Variants in MKRN1 observed in about 807,000 individuals in gnomAD.
MKRN1 encodes E3 ubiquitin-protein ligase makorin-1.
In MKRN1, 9 loss-of-function variants were observed where a neutral mutation model predicts 55.5. The observed-to-expected ratio is 0.16, with a 90% CI of 0.10 to 0.28. The LOEUF (loss-of-function observed/expected upper bound fraction) is 0.28. Among genes scored for constraint, MKRN1 ranks in the 10% least tolerant of loss-of-function variants. The pLI is 1.00. For synonymous variants in MKRN1, 253 were observed against 235.9 expected, an observed-to-expected ratio of 1.07 and a Z score of -0.66; for missense variants, 488 against 626.7, an observed-to-expected ratio of 0.78 and a Z score of 2.36.
chr7:140,462,988 G>A (rs1476528168), intron 2 of MKRN1, among the ~76,000 whole-genome samples: 5 of 151,308 alleles, frequency 3.3e-5, no homozygotes, highest in Non-Finnish European at 7.4e-5. Context: ...GACTATGCGC[G>A]GTGGCTCATG....
At chr7:140,468,988 A>G (rs1396326580) in intron 2 of MKRN1, among the ~76,000 whole-genome samples, 3 of 152,096 alleles carry the variant, frequency 2.0e-5, no homozygotes, top group East Asian at 3.9e-4. Context: ...TCTGAACTCT[A>G]TTTGAACCCA....
rs1794378784 is a variant in MKRN1 at position 140,453,208 on chromosome 7, C to T, written c.*1309G>A. On this transcript the variant is annotated 3_prime_UTR_variant, in exon 8 of 8. Transcript: ENST00000255977. ...GTAGATGGACAAACCAGGAGCATCC[C>T]CGAGTTATTTTCAGGAAACAGAGCA... The T allele has an allele frequency of 6.6e-6, 1 of 152,498 alleles. No individual in the cohort carries two copies. 9.4% of individuals were successfully genotyped at this position (152,498 alleles called of 1,614,324 possible). A position where few individuals can be genotyped will look rare whatever the true frequency, so the allele number is the denominator to read the frequency against.
intron 1 of MKRN1, among the ~76,000 whole-genome samples, chr7:140,475,915 TAATAA>T (rs1795103668): frequency 6.6e-6 from 1 of 152,048 alleles, no homozygotes; most frequent in Non-Finnish European, 1.5e-5. Flanking sequence ...AGTATTGCTC[TAATAA>T]AAGATATGAA....
intron 4 of MKRN1, 167 bp from the exon 5 acceptor site, chr7:140,457,033 GTT>G (rs61226924): frequency 0.18 from 108,411 of 602,508 alleles, 16,027 homozygotes; most frequent in African/African-American, 0.64. Context: ...CAGGTGTGGT[GTT>G]TTTTTTTTGT....
rs773137189 is a variant in MKRN1 at position 140,454,663 on chromosome 7, C to T, written c.1303G>A (p.Asp435Asn). The change falls in exon 8 of 8, where the codon GAT becomes AAT. Residue 435 changes from aspartate (D) to asparagine (N), a missense_variant. Around this residue, in one of 2 missense-constraint regions of MKRN1, gnomAD observed 278 missense variants for 406.7 expected, o/e 0.68. Transcript: ENST00000255977. ...TCAAAGGTGACAACCTCTTCTTCATCGTTGTCAAAGGGGTTGCTGTTCTCT... is the reference window on the plus strand; with the variant it reads ...TCAAAGGTGACAACCTCTTCTTCATTGTTGTCAAAGGGGTTGCTGTTCTCT... Reference protein sequence around the residue: ...ERENSNPFDNDEEEVVTFELG... With the variant: ...ERENSNPFDNNEEEVVTFELG... 7 of 1,613,968 alleles carry T rather than the reference C, an allele frequency of 4.3e-6. No individual in the cohort carries two copies. The highest frequency in any genetic ancestry group is 2.2e-5 in the South Asian group (2 of 91,074).
chr7:140,466,753 G>A (rs1240343687), intron 2 of MKRN1, among the ~76,000 whole-genome samples: 4 of 148,136 alleles, frequency 2.7e-5, no homozygotes, highest in Non-Finnish European at 4.4e-5. Context: ...GCAGTAAGCC[G>A]AGATTGCGCC....
intron 1 of MKRN1, among the ~76,000 whole-genome samples, chr7:140,475,008 C>A (rs1343440315): frequency 1.3e-5 from 2 of 151,918 alleles, no homozygotes; most frequent in Non-Finnish European, 2.9e-5. Context: ...GGTGAGACAC[C>A]ACGCCCAGCT....
At chr7:140,470,527 G>T (rs1429871167) in intron 2 of MKRN1, among the ~76,000 whole-genome samples, 2 of 152,064 alleles carry the variant, frequency 1.3e-5, no homozygotes, top group Non-Finnish European at 2.9e-5. Context: ...GGAGGTTGCA[G>T]TGAGCCGAAA....
At chr7:140,463,894 A>C (rs995445400) in intron 2 of MKRN1, among the ~76,000 whole-genome samples, 1 of 151,986 alleles carries the variant, frequency 6.6e-6, no homozygotes, top group Non-Finnish European at 1.5e-5. Context: ...ATCTCAAAAA[A>C]AAAATAAAAA....
intron 1 of MKRN1, among the ~76,000 whole-genome samples, chr7:140,476,230 T>A (rs2130370602): frequency 6.6e-6 from 1 of 152,300 alleles, no homozygotes; most frequent in Non-Finnish European, 1.5e-5. Context: ...TATAATACAG[T>A]ACATACATCT....
intron 4 of MKRN1, among the ~76,000 whole-genome samples, chr7:140,457,143 A>G (rs1794488635): frequency 6.6e-6 from 1 of 152,116 alleles, no homozygotes; most frequent in Non-Finnish European, 1.5e-5. Context: ...CTCTACCCCA[A>G]ACCTGGAGCT....
intron 4 of MKRN1, among the ~76,000 whole-genome samples, chr7:140,458,400 A>G (rs745418376): frequency 1.3e-5 from 2 of 152,248 alleles, no homozygotes; most frequent in Non-Finnish European, 2.9e-5. Flanking sequence ...AAGTGAAGTC[A>G]ATCACAAAGG....
intron 6 of MKRN1, chr7:140,455,465 TAG>T (rs976916930): frequency 1.4e-5 from 8 of 576,476 alleles, no homozygotes; most frequent in African/African-American, 7.5e-5. Context: ...GCAGATGCCA[TAG>T]AGAGAAAATC....
At position 140,479,305 on chromosome 7, in the gene MKRN1, ATGT is replaced by A. The variant is rs749334129; in HGVS notation, c.37_39del (p.Thr13del). 23 of 1,347,404 alleles carry A rather than the reference ATGT, an allele frequency of 1.7e-5. No homozygotes were observed. The African/African-American group carries it at 3.2e-4, about 19-fold the overall frequency. 83.5% of individuals were successfully genotyped at this position (1,347,404 alleles called of 1,614,324 possible). A position where few individuals can be genotyped will look rare whatever the true frequency, so the allele number is the denominator to read the frequency against. Reference sequence around the variant, plus strand: ...GTCGCCGCTGCCGCTCCTGCTCCTGATGTTGTGGCTGTTGTTCCGGGAGTTGCA... The same window carrying A: ...GTCGCCGCTGCCGCTCCTGCTCCTGATGTGGCTGTTGTTCCGGGAGTTGCA... On this transcript the variant is annotated inframe_deletion, in exon 1 of 8. Transcript: ENST00000255977.
At position 140,479,306 on chromosome 7, in the gene MKRN1, T is replaced by C; in HGVS notation, c.39A>G (p.Thr13=). ...TCGCCGCTGCCGCTCCTGCTCCTGA[T>C]GTTGTGGCTGTTGTTCCGGGAGTTG... ...EAATPGTTAT[T]SGAGAAAATA... The change falls in exon 1 of 8, where the codon ACA becomes ACG. Residue 13 remains threonine, a synonymous_variant. Transcript: ENST00000255977. The C allele has an allele frequency of 7.5e-7, 1 of 1,336,938 alleles. No individual in the cohort carries two copies. The highest frequency in any genetic ancestry group is 9.6e-7 in the Non-Finnish European group (1 of 1,040,154). 82.8% of individuals were successfully genotyped at this position (1,336,938 alleles called of 1,614,324 possible).
In MKRN1 at chr7:140,460,669, G is replaced by A. The variant is rs575880680; in HGVS notation, c.315-733C>T. Reference sequence around the variant, plus strand: ...GTGCCTGTATTTGTGAGTGCAGAGAGAAGCCTATGATTCTGCATATTTAGT... The same window carrying A: ...GTGCCTGTATTTGTGAGTGCAGAGAAAAGCCTATGATTCTGCATATTTAGT... On this transcript the variant is annotated intron_variant, in intron 2 of 7. Transcript: ENST00000255977. 3.9e-5 allele frequency among the ~76,000 whole-genome samples: 6 copies of A among 152,290 alleles called. No individual in the cohort carries two copies. The South Asian group carries it at 1.2e-3, about 32-fold the overall frequency.
At chr7:140,466,058 TGACAGAGCGA>T (rs1294022081) in intron 2 of MKRN1, among the ~76,000 whole-genome samples, 2 of 151,980 alleles carry the variant, frequency 1.3e-5, no homozygotes, top group Non-Finnish European at 2.9e-5. Context: ...TCCAGCCTGG[TGACAGAGCGA>T]GACTCCATCT....
Position 140,453,579 on chromosome 7 carries a change from T to C in MKRN1, c.*938A>G, listed in dbSNP as rs1364566580. ...TGTATCCAAGACCCAGTTTGTGTTA[T>C]TATATGGGATAACCAGGTAGTTTTA... On this transcript the variant is annotated 3_prime_UTR_variant, in exon 8 of 8. Transcript: ENST00000255977. 1 of 152,572 alleles carries C rather than the reference T, an allele frequency of 6.6e-6. No individual in the cohort carries two copies. Among genetic ancestry groups the C allele is most frequent in the African/African-American group, 2.4e-5 (1 of 41,466 alleles). The allele number at this position is 152,572 out of a possible 1,614,324, so 9.5% of individuals were successfully genotyped here.
intron 2 of MKRN1, among the ~76,000 whole-genome samples, chr7:140,465,640 A>T (rs1022315771): frequency 5.3e-5 from 8 of 152,248 alleles, no homozygotes; most frequent in African/African-American, 1.9e-4. Context: ...AAACAAAAGC[A>T]CCACCATTAC....
Sources: allele counts gnomAD v4.1 joint callset (sites outside exome capture counted in the v4.1 genomes callset), GRCh38; gene constraint gnomAD v4.1.1; regional missense constraint gnomAD v4.1.1; transcripts MANE v1.5; gene names NCBI Gene and HGNC (gene_info 2026-07-23, HGNC 2026-07-21).